Variants in VPS33B observed in about 807,000 individuals in gnomAD.
VPS33B encodes vacuolar protein sorting-associated protein 33B.
In VPS33B, 80 loss-of-function variants were observed where a neutral mutation model predicts 95.3. The observed-to-expected ratio is 0.84, with a 90% CI of 0.70 to 1.01. The LOEUF (loss-of-function observed/expected upper bound fraction) is 1.01, where lower values mean the gene tolerates loss of function less well. VPS33B is among the 50% of genes least tolerant of loss of function. VPS33B has a pLI of 0.00. For missense variants in VPS33B, 715 were observed against 773.4 expected, an observed-to-expected ratio of 0.92 and a Z score of 0.90; for synonymous variants, 280 against 280.4, an observed-to-expected ratio of 1.00 and a Z score of 0.01.
At chr15:91,016,491 C>T (rs753251795) in intron 3 of VPS33B, among the ~76,000 whole-genome samples, 46 of 146,016 alleles carry the variant, frequency 3.2e-4, no homozygotes, top group Non-Finnish European at 2.2e-4. Flanking sequence ...TCAAGCGATT[C>T]GCCTGGCTCA....
rs2040376562 is a variant in VPS33B, at chr15:90,999,660, T to C, written c.1774+17A>G. The C allele has an allele frequency of 6.2e-7, 1 of 1,613,200 alleles. No homozygotes were observed. The highest frequency in any genetic ancestry group is 1.7e-5 in the Admixed American group (1 of 59,992). On this transcript the variant is annotated intron_variant, in intron 22 of 22. Coordinates refer to ENST00000333371, the MANE Select transcript of VPS33B (RefSeq NM_018668.5). The surrounding 1 kb of genome is among the most constrained non-coding windows in gnomAD (Gnocchi z 5.1). The stretch of plus-strand genomic sequence containing the variant: ...GATACAATGCAGGCCAATTCTCACC[T>C]TTCTGCTCTCTCTTACCTTTCTCTC...
chr15:91,021,447 T>C (rs554654602), intron 1 of VPS33B, among the ~76,000 whole-genome samples: 1 of 152,348 alleles, frequency 6.6e-6, no homozygotes, highest in South Asian at 2.1e-4. Context: ...CTGCTACCAA[T>C]TTTGTGTGGG....
At position 91,000,504 on chromosome 15, in the gene VPS33B, G is replaced by A. The variant is rs751982861; in HGVS notation, c.1567C>T (p.Arg523Ter). Residue 523 changes from arginine to a stop codon, truncating the protein, a stop_gained, in exon 20 of 23, where the codon CGA becomes TGA. Transcript: ENST00000333371. LOFTEE classifies it high-confidence loss of function. The surrounding 1 kb of genome is among the most constrained non-coding windows in gnomAD (Gnocchi z 4.9). ...CATGCTCTCACCTGCTCAATGATTCGGCAGCTCAGGGGCACATAAGCACCA... is the reference window on the plus strand; with the variant it reads ...CATGCTCTCACCTGCTCAATGATTCAGCAGCTCAGGGGCACATAAGCACCA... ...FGGAYVPLSC[R>*]IIEQVLERRS... 3.1e-6 allele frequency: 5 copies of A among 1,612,858 alleles called. No homozygotes were observed. Among genetic ancestry groups the A allele is most frequent in the Admixed American group, 3.3e-5 (2 of 59,942 alleles).
In VPS33B at chr15:91,013,329, A is replaced by G. The variant is rs536650108; in HGVS notation, c.357+475T>C. Among the ~76,000 whole-genome samples the G allele has an allele frequency of 6.6e-6, 1 of 152,346 alleles. No homozygotes were observed. The highest frequency in any genetic ancestry group is 1.9e-4 in the East Asian group (1 of 5,188). On this transcript the variant is annotated intron_variant, in intron 5 of 22. Transcript: ENST00000333371. This position sits in a 1 kb window ranked among gnomAD's most constrained non-coding sequence, Gnocchi z 4.5. ...AGTGACAGGTATTAGGTTCAATCAC[A>G]CATAATTTGCTTTGAGGGAGTGCTA...
At position 91,005,754 on chromosome 15, in the gene VPS33B, T is replaced by G; in HGVS notation, c.970A>C (p.Lys324Gln). The G allele has an allele frequency of 1.2e-6, 2 of 1,614,118 alleles. No homozygotes were observed. The highest frequency in any genetic ancestry group is 2.2e-5 in the South Asian group (2 of 91,084). The change falls in exon 13 of 23, where the codon AAG (lysine) becomes CAG (glutamine). Residue 324 changes from lysine to glutamine, a missense_variant. By Grantham distance (53) the Lys-to-Gln change is moderately conservative. Transcript: ENST00000333371. This position sits in a 1 kb window ranked among gnomAD's most constrained non-coding sequence, Gnocchi z 6.4. ...TTGAGCTCCTGGGACACGAAATTCT[T>G]CATCTGCTTAATGTCCATGCCTCTC... Reference protein sequence around the residue: ...RRRGMDIKQMKNFVSQELKGL... With the variant: ...RRRGMDIKQMQNFVSQELKGL...
In VPS33B at chr15:91,007,528, G is replaced by C. The variant is rs2040647887; in HGVS notation, c.544C>G (p.Leu182Val). 4 of 1,614,222 alleles carry C rather than the reference G, an allele frequency of 2.5e-6. No homozygotes were observed. Among genetic ancestry groups the C allele is most frequent in the Non-Finnish European group, 3.4e-6 (4 of 1,180,040 alleles). The change falls in exon 8 of 23, where the codon CTT (leucine) becomes GTT (valine). Residue 182 changes from leucine (L) to valine (V), a missense_variant. Transcript: ENST00000333371. This position sits in a 1 kb window ranked among gnomAD's most constrained non-coding sequence, Gnocchi z 5.3. ...WINTVAQALH[L>V]LSTLYGPFPN... ...AAGGGTCCATAGAGAGTGCTGAGAA[G>C]GTGTAAGGCCTGAGCTACAGTGTTG...
rs147923248 is a variant in VPS33B at position 91,014,214 on chromosome 15, C to T, written c.289+170G>A. Among the ~76,000 whole-genome samples the T allele has an allele frequency of 4.0e-3, 543 of 137,118 alleles. 3 individuals are homozygous for T. Among genetic ancestry groups the T allele is most frequent in the African/African-American group, 0.015 (515 of 35,194 alleles). 90.0% of individuals were successfully genotyped at this position (137,118 alleles called of 152,430 possible). ...AGACTGGGCAACAAGAGTGAAACTC[C>T]GTCTCAAAAAAAAAAAAAAAAAAAA... On this transcript the variant is annotated intron_variant, in intron 4 of 22. Coordinates refer to ENST00000333371, the MANE Select transcript of VPS33B (RefSeq NM_018668.5).
Position 91,010,691 on chromosome 15 carries a change from G to A in VPS33B, c.358-845C>T, listed in dbSNP as rs1007227227. Reference sequence around the variant, plus strand: ...GGACTCTAGGGAACACAAGATGAAAGGGGGCCAGAGTACAGGACCTGGCAG... The same window carrying A: ...GGACTCTAGGGAACACAAGATGAAAAGGGGCCAGAGTACAGGACCTGGCAG... On this transcript the variant is annotated intron_variant, in intron 5 of 22. Coordinates refer to ENST00000333371, the MANE Select transcript of VPS33B (RefSeq NM_018668.5). The surrounding 1 kb of genome is among the most constrained non-coding windows in gnomAD (Gnocchi z 5.7). Among the ~76,000 whole-genome samples the A allele has an allele frequency of 1.3e-5, 2 of 152,186 alleles. No homozygotes were observed. The highest frequency in any genetic ancestry group is 4.8e-5 in the African/African-American group (2 of 41,442).
chr15:91,007,360 CAAAGT>C lies in VPS33B; in HGVS notation c.603+104_603+108del, dbSNP rs1317549178. ...AGGATCTATTCCAGAACAATGAAAG[CAAAGT>C]AAAGAATACACCTCATATCACAGGT... On this transcript the variant is annotated intron_variant, in intron 8 of 22. Transcript: ENST00000333371. This position sits in a 1 kb window ranked among gnomAD's most constrained non-coding sequence, Gnocchi z 5.3. 27 of 1,120,664 alleles carry C rather than the reference CAAAGT, an allele frequency of 2.4e-5. No individual in the cohort carries two copies. The highest frequency in any genetic ancestry group is 3.7e-5 in the Non-Finnish European group (27 of 736,222). 69.4% of individuals were successfully genotyped at this position (1,120,664 alleles called of 1,614,324 possible). A position where few individuals can be genotyped will look rare whatever the true frequency, so the allele number is the denominator to read the frequency against.
chr15:90,998,877 A>T lies in VPS33B; in HGVS notation c.*98T>A. On this transcript the variant is annotated 3_prime_UTR_variant, in exon 23 of 23. Transcript: ENST00000333371. The surrounding 1 kb of genome is among the most constrained non-coding windows in gnomAD (Gnocchi z 4.8). ...TCCATGCTCCCGGCTCTTAGCAGGT[A>T]GTTGGTGGACACTTGGTTATAGCAG... The T allele has an allele frequency of 7.9e-7, 1 of 1,270,672 alleles. No individual in the cohort carries two copies. The highest frequency in any genetic ancestry group is 1.1e-6 in the Non-Finnish European group (1 of 881,370). 78.7% of individuals were successfully genotyped at this position (1,270,672 alleles called of 1,614,324 possible).
At position 91,000,291 on chromosome 15, in the gene VPS33B, G is replaced by A. The variant is rs2040399068; in HGVS notation, c.1581+199C>T. ...ACATGCCTGTAGTCCCAGCTACTTCGGAAGCTGAGGCAGGAGAATCACTTG... is the reference window on the plus strand; with the variant it reads ...ACATGCCTGTAGTCCCAGCTACTTCAGAAGCTGAGGCAGGAGAATCACTTG... On this transcript the variant is annotated intron_variant, in intron 20 of 22. Coordinates refer to ENST00000333371, the MANE Select transcript of VPS33B (RefSeq NM_018668.5). This position sits in a 1 kb window ranked among gnomAD's most constrained non-coding sequence, Gnocchi z 4.9. 6.6e-6 allele frequency among the ~76,000 whole-genome samples: 1 copy of A among 152,100 alleles called. No individual in the cohort carries two copies. The highest frequency in any genetic ancestry group is 6.6e-5 in the Admixed American group (1 of 15,252).
chr15:91,022,099 G>C, intron 1 of VPS33B, 55 bp downstream of exon 1: 1 of 1,531,720 alleles, frequency 6.5e-7, no homozygotes, highest in Non-Finnish European at 8.9e-7. Flanking sequence ...GAAGAAATGT[G>C]CATCCAATGA....
chr15:91,003,032 C>T (rs2040487979), intron 17 of VPS33B, 53 bp downstream of exon 17: 1 of 1,601,406 alleles, frequency 6.2e-7, no homozygotes. Flanking sequence ...TCAAAAATGC[C>T]CAATAACTGC....
In VPS33B at chr15:91,004,317, G is replaced by C. The variant is rs916130119; in HGVS notation, c.1225+560C>G. On this transcript the variant is annotated intron_variant, in intron 16 of 22. Transcript: ENST00000333371. ...AACAGTAAAAACAAGTTGCCATGAA[G>C]GTTGCACAATCTGGAATTTTAGAAA... is the stretch of plus-strand genomic sequence containing the variant. 6.6e-5 allele frequency among the ~76,000 whole-genome samples: 10 copies of C among 152,156 alleles called. No homozygotes were observed. The South Asian group carries it at 1.7e-3, about 25-fold the overall frequency.
rs1165979719 is a variant in VPS33B at position 91,000,059 on chromosome 15, T to G, written c.1582-84A>C. On this transcript the variant is annotated intron_variant, in intron 20 of 22. Coordinates refer to ENST00000333371, the MANE Select transcript of VPS33B (RefSeq NM_018668.5). This position sits in a 1 kb window ranked among gnomAD's most constrained non-coding sequence, Gnocchi z 4.9. The stretch of plus-strand genomic sequence containing the variant: ...AGGGCACAGCAGCCAGACTGTCACA[T>G]TTCTTGCTCATTACTCAAGTAGCAA... 1.9e-6 allele frequency: 3 copies of G among 1,556,632 alleles called. No individual in the cohort carries two copies. The African/African-American group carries it at 4.1e-5, about 21-fold the overall frequency.
At chr15:90,998,593 A>C (rs2040340948), downstream of VPS33B, 1 of 349,298 alleles carries the variant, frequency 2.9e-6, no homozygotes, top group African/African-American at 2.1e-5. The surrounding 1 kb of genome is among the most constrained non-coding windows in gnomAD (Gnocchi z 4.8). Flanking sequence ...CAGGCCAAGA[A>C]GCACAGGAAG....
chr15:91,008,607 C>A (rs1397738101), intron 6 of VPS33B, among the ~76,000 whole-genome samples: 1 of 152,182 alleles, frequency 6.6e-6, no homozygotes, highest in Admixed American at 6.5e-5. Context: ...AAGCTGCCTA[C>A]ATGTAGGACT....
At position 91,002,333 on chromosome 15, in the gene VPS33B, A is replaced by G; in HGVS notation, c.1273-151T>C. The stretch of plus-strand genomic sequence containing the variant: ...TGAGATAAATTTTCACATCAGAAAT[A>G]ACCAAACAGGGCTGGGAGCGGTGGC... On this transcript the variant is annotated intron_variant, in intron 17 of 22. Transcript: ENST00000333371. The surrounding 1 kb of genome is among the most constrained non-coding windows in gnomAD (Gnocchi z 4.7). 1 of 1,261,486 alleles carries G rather than the reference A, an allele frequency of 7.9e-7. No individual in the cohort carries two copies. Among genetic ancestry groups the G allele is most frequent in the Non-Finnish European group, 1.1e-6 (1 of 900,056 alleles). The allele number at this position is 1,261,486 out of a possible 1,614,324, so 78.1% of individuals were successfully genotyped here.
Position 91,013,738 on chromosome 15 carries a change from C to T in VPS33B, c.357+66G>A. 6.3e-7 allele frequency: 1 copy of T among 1,576,984 alleles called. No homozygotes were observed. Among genetic ancestry groups the T allele is most frequent in the Non-Finnish European group, 8.7e-7 (1 of 1,146,932 alleles). ...AGACAGGGAGGTAGTGCTGTTGGCC[C>T]CTTACCCCTGCCCGGTCCTCAGTCC... On this transcript the variant is annotated intron_variant, in intron 5 of 22. Transcript: ENST00000333371. The surrounding 1 kb of genome is among the most constrained non-coding windows in gnomAD (Gnocchi z 4.5).
Sources: allele counts gnomAD v4.1 joint callset (sites outside exome capture counted in the v4.1 genomes callset), GRCh38; gene constraint gnomAD v4.1.1; non-coding constraint Gnocchi (gnomAD v3.1); transcripts MANE v1.5; gene names NCBI Gene and HGNC (gene_info 2026-07-23, HGNC 2026-07-21).